Variants in CNNM2 observed in about 807,000 individuals in gnomAD.
CNNM2 encodes the protein metal transporter CNNM2.
A neutral mutation model predicts 66.9 loss-of-function variants in CNNM2; 12 were observed. The ratio of observed to expected loss-of-function variants is 0.18; its 90% CI spans 0.11 to 0.29. CNNM2 has a LOEUF of 0.29. CNNM2 is among the 10% of genes least tolerant of loss of function. The pLI is 1.00. For missense variants in CNNM2, 705 were observed against 1,167.7 expected, an observed-to-expected ratio of 0.60 and a Z score of 5.77; for synonymous variants, 557 against 501.8, an observed-to-expected ratio of 1.11 and a Z score of -1.47.
In CNNM2 at chr10:102,993,073, T is replaced by G. The variant is rs4917988; in HGVS notation, c.1622-56634T>G. ...GATTGCAGGTTCTTGGTCCTTGTCTTACTTGTTTTCGTAACTGGCTTATAG... is the reference window on the plus strand; with the variant it reads ...GATTGCAGGTTCTTGGTCCTTGTCTGACTTGTTTTCGTAACTGGCTTATAG... On this transcript the variant is annotated intron_variant, in intron 1 of 7. Transcript: ENST00000369878. 0.1 allele frequency among the ~76,000 whole-genome samples: 15,961 copies of G among 152,216 alleles called. 850 individuals carry two copies. Among genetic ancestry groups the G allele is most frequent in the Middle Eastern group, 0.17 (50 of 292 alleles).
intron 1 of CNNM2, among the ~76,000 whole-genome samples, chr10:102,936,716 C>G (rs1452314541): frequency 3.3e-5 from 5 of 152,120 alleles, no homozygotes; most frequent in Non-Finnish European, 7.4e-5. Context: ...ACTAGAAGAA[C>G]ATTTACCAAA....
rs1455118949 is a variant in CNNM2 at position 103,049,738 on chromosome 10, A to G, written c.1653A>G (p.Val551=). ...CTCACCTGGCTATCGTGCAGCGGGT[A>G]AACAATGAGGGAGAAGGGGATCCAT... ...GKSHLAIVQR[V]NNEGEGDPFY... Residue 551 remains valine, a synonymous_variant, in exon 2 of 8, where the codon GTA becomes GTG. Coordinates refer to ENST00000369878, the MANE Select transcript of CNNM2 (RefSeq NM_017649.5). The G allele has an allele frequency of 3.1e-6, 5 of 1,613,984 alleles. No individual in the cohort carries two copies. The highest frequency in any genetic ancestry group is 4.2e-6 in the Non-Finnish European group (5 of 1,179,858).
At chr10:103,049,988 TG>T in intron 2 of CNNM2, 138 bp downstream of exon 2, 1 of 769,960 alleles carries the variant, frequency 1.3e-6, no homozygotes, top group South Asian at 1.9e-5. Context: ...CACAACCTGT[TG>T]GTATATTCCA....
intron 1 of CNNM2, among the ~76,000 whole-genome samples, chr10:102,928,585 A>T (rs1845958013): frequency 6.8e-6 from 1 of 147,764 alleles, no homozygotes; most frequent in African/African-American, 2.5e-5. Flanking sequence ...TCTGTCTCAA[A>T]AAAAAAAAAA....
intron 1 of CNNM2, among the ~76,000 whole-genome samples, chr10:103,000,047 C>T (rs1219548590): frequency 6.6e-6 from 1 of 152,126 alleles, no homozygotes; most frequent in East Asian, 1.9e-4. Flanking sequence ...ACCAGCCTGG[C>T]CAATGTTGTG....
intron 1 of CNNM2, among the ~76,000 whole-genome samples, chr10:102,974,957 G>C (rs897337912): frequency 2.0e-5 from 3 of 152,206 alleles, no homozygotes; most frequent in Admixed American, 2.0e-4. Context: ...CTGCTTTGGA[G>C]ACATGAGAAC....
At chr10:102,969,206 C>G (rs1020557609) in intron 1 of CNNM2, among the ~76,000 whole-genome samples, 6 of 150,492 alleles carry the variant, frequency 4.0e-5, no homozygotes, top group African/African-American at 1.5e-4. Context: ...TGAGCCACTG[C>G]ACTGCGCCTA....
intron 1 of CNNM2, among the ~76,000 whole-genome samples, chr10:102,963,179 G>C (rs2063411327): frequency 6.6e-6 from 1 of 152,176 alleles, no homozygotes; most frequent in Non-Finnish European, 1.5e-5. Flanking sequence ...TACTTAATAA[G>C]TGATATGAGT....
intron 1 of CNNM2, among the ~76,000 whole-genome samples, chr10:102,964,589 C>T (rs533178219): frequency 1.2e-4 from 19 of 152,108 alleles, no homozygotes; most frequent in Non-Finnish European, 2.5e-4. Context: ...TGTATTTAAT[C>T]AGTTGGCAGA....
At chr10:102,997,511 T>C (rs927654266) in intron 1 of CNNM2, among the ~76,000 whole-genome samples, 2 of 152,158 alleles carry the variant, frequency 1.3e-5, no homozygotes, top group African/African-American at 2.4e-5. Flanking sequence ...AGAATAAATA[T>C]AATGGGAAGA....
rs577478834 is a variant in CNNM2, at chr10:102,937,494, C to T, written c.1621+17393C>T. ...TGATGGTTTTGGAAACTGGTGCTTC[C>T]TTTTGTCTAAATAAATAATCACTGT... On this transcript the variant is annotated intron_variant, in intron 1 of 7. Coordinates refer to ENST00000369878, the MANE Select transcript of CNNM2 (RefSeq NM_017649.5). Among the ~76,000 whole-genome samples the T allele has an allele frequency of 3.0e-4, 45 of 152,252 alleles. 1 individual carries two copies. The South Asian group carries it at 9.3e-3, about 32-fold the overall frequency.
intron 1 of CNNM2, among the ~76,000 whole-genome samples, chr10:103,045,799 C>CT (rs1458358719): frequency 1.3e-5 from 2 of 152,114 alleles, no homozygotes; most frequent in Admixed American, 1.3e-4. Context: ...TGAAATGCAT[C>CT]TTTTTAACTT....
chr10:102,926,779 G>C (rs1028304222), intron 1 of CNNM2, among the ~76,000 whole-genome samples: 2 of 143,744 alleles, frequency 1.4e-5, no homozygotes, highest in Non-Finnish European at 3.0e-5. Flanking sequence ...GCAGTGGCAC[G>C]ATATCGGCTC....
In CNNM2 at chr10:103,056,841, A is replaced by T. The variant is rs769188899; in HGVS notation, c.1950A>T (p.Leu650=). 6.2e-7 allele frequency: 1 copy of T among 1,613,892 alleles called. No individual in the cohort carries two copies. Among genetic ancestry groups the T allele is most frequent in the South Asian group, 1.1e-5 (1 of 91,090 alleles). The change falls in exon 4 of 8, where the codon CTA becomes CTT. Residue 650 remains leucine, a synonymous_variant. Coordinates refer to ENST00000369878, the MANE Select transcript of CNNM2 (RefSeq NM_017649.5). ...CCCAGATGTCAGAGAAGATCCTTCT[A>T]AGGCTGCTAAAGCACCCCAATGTCA... is the stretch of plus-strand genomic sequence containing the variant. The part of the protein sequence containing the change: ...SPSQMSEKIL[L]RLLKHPNVIQ...
Position 103,089,333 on chromosome 10 carries a change from ACT to A in CNNM2, c.*12156_*12157del, listed in dbSNP as rs1491161200. The A allele has an allele frequency of 1.0e-4, 26 of 254,146 alleles. No homozygotes were observed. The South Asian group carries it at 3.7e-3, about 36-fold the overall frequency. The allele number at this position is 254,146 out of a possible 1,614,324, so 15.7% of individuals were successfully genotyped here. A position where few individuals can be genotyped will look rare whatever the true frequency, so the allele number is the denominator to read the frequency against. On this transcript the variant is annotated 3_prime_UTR_variant, in exon 8 of 8. Coordinates refer to ENST00000369878, the MANE Select transcript of CNNM2 (RefSeq NM_017649.5). ...TTCCCACTCTTTGTTCCACTCTGAGACTCTTTCCTTTTCCTCGTGTATCCAGA... is the reference window on the plus strand; with the variant it reads ...TTCCCACTCTTTGTTCCACTCTGAGACTTTCCTTTTCCTCGTGTATCCAGA...
chr10:102,964,993 A>G (rs1237828141), intron 1 of CNNM2, among the ~76,000 whole-genome samples: 3 of 152,160 alleles, frequency 2.0e-5, no homozygotes, highest in Admixed American at 2.0e-4. Context: ...GTGTGAAGAC[A>G]CAGCGTTCCT....
At chr10:102,925,596 A>G (rs1268422083) in intron 1 of CNNM2, among the ~76,000 whole-genome samples, 1 of 152,206 alleles carries the variant, frequency 6.6e-6, no homozygotes, top group African/African-American at 2.4e-5. Context: ...CCTGACTTCT[A>G]GATTGGAGTT....
chr10:102,961,718 C>G (rs2063382292), intron 1 of CNNM2, among the ~76,000 whole-genome samples: 1 of 151,974 alleles, frequency 6.6e-6, no homozygotes, highest in Admixed American at 6.6e-5. Flanking sequence ...TGGATTTTGT[C>G]ATGGTGTAGG....
chr10:103,055,054 G>A (rs1380041326), intron 3 of CNNM2, among the ~76,000 whole-genome samples: 2 of 152,128 alleles, frequency 1.3e-5, no homozygotes, highest in Non-Finnish European at 2.9e-5. Context: ...AGATTAACTC[G>A]AGTCCATTTC....
Sources: allele counts gnomAD v4.1 joint callset (sites outside exome capture counted in the v4.1 genomes callset), GRCh38; gene constraint gnomAD v4.1.1; transcripts MANE v1.5; gene names NCBI Gene and HGNC (gene_info 2026-07-23, HGNC 2026-07-21).